DNAH12: variants seen among roughly 807,000 people sequenced by gnomAD.
The protein encoded by DNAH12 is axonemal beta dynein heavy chain 12.
In DNAH12, 285 loss-of-function variants were observed where a neutral mutation model predicts 371.5. That is an observed-to-expected ratio of 0.77 (90% CI 0.70 to 0.85). The LOEUF is 0.85. Ranked by LOEUF, DNAH12 falls within the 40% of genes least tolerant of loss-of-function variation. The pLI, the probability that DNAH12 is intolerant of heterozygous loss-of-function variation, is 0.00. For synonymous variants in DNAH12, 1,200 were observed against 1,213.0 expected (o/e 0.99, Z 0.22); for missense variants, 3,611 against 3,689.4 (o/e 0.98, Z 0.55).
Position 57,502,388 on chromosome 3 carries a change from A to G in DNAH12, c.1178T>C (p.Val393Ala). The stretch of plus-strand genomic sequence containing the variant: ...ATGTACTGCTGCCTTCAGTGTATCA[A>G]CAGCCCAGTGTAACACGTGTTCAGG... ...ELPEHVLHWAVDTLKAAVHRN... is the reference protein window; with the variant it reads ...ELPEHVLHWAADTLKAAVHRN... Residue 393 changes from valine to alanine, a missense_variant, in exon 10 of 74, where the codon GTT becomes GCT. Val to Ala is a moderately conservative substitution (Grantham distance 64). Transcript: ENST00000495027. 6.2e-7 allele frequency: 1 copy of G among 1,614,208 alleles called. No individual in the cohort carries two copies. The highest frequency in any genetic ancestry group is 2.2e-5 in the East Asian group (1 of 44,884).
intron 43 of DNAH12, among the ~76,000 whole-genome samples, chr3:57,401,560 T>C (rs535605367): frequency 3.2e-4 from 17 of 52,418 alleles, no homozygotes; most frequent in Non-Finnish European, 4.6e-4. Context: ...TGAGACTCCA[T>C]CTCAAAAAAA....
chr3:57,519,843 C>T (rs1289901427), intron 4 of DNAH12: 1 of 1,106,116 alleles, frequency 9.0e-7, no homozygotes, highest in African/African-American at 1.5e-5. Context: ...CATCCATCAC[C>T]TGGACTCTGC....
chr3:57,512,744 T>C (rs968136075), intron 4 of DNAH12, among the ~76,000 whole-genome samples: 4 of 152,190 alleles, frequency 2.6e-5, no homozygotes, highest in African/African-American at 4.8e-5. Context: ...ATTATTCTAC[T>C]ATAAAGACAC....
chr3:57,475,074 C>T (rs1296344480), intron 13 of DNAH12, among the ~76,000 whole-genome samples: 1 of 152,056 alleles, frequency 6.6e-6, no homozygotes, highest in African/African-American at 2.4e-5. Flanking sequence ...TATGTATTTG[C>T]TCATCTATAT....
At chr3:57,309,048 C>G (rs1196255834) in intron 69 of DNAH12, 103 bp downstream of exon 69, 5 of 798,086 alleles carry the variant, frequency 6.3e-6, no homozygotes, top group Non-Finnish European at 9.4e-6. Context: ...CTTCATACCA[C>G]CCTCAAAATT....
At chr3:57,550,177 C>T in the DNAH12 span, among the ~76,000 whole-genome samples, 1 of 151,962 alleles carries the variant, frequency 6.6e-6, no homozygotes, top group East Asian at 1.9e-4. Context: ...ATTAGCCAGG[C>T]ATGGCTACAT....
intron 18 of DNAH12, among the ~76,000 whole-genome samples, chr3:57,462,436 G>C (rs2153377627): frequency 6.6e-6 from 1 of 152,088 alleles, no homozygotes; most frequent in East Asian, 1.9e-4. Context: ...ATTTTTAGTA[G>C]GGATGGGGTC....
At chr3:57,508,319 T>C in intron 7 of DNAH12, 63 bp downstream of exon 7, 3 of 1,407,380 alleles carry the variant, frequency 2.1e-6, no homozygotes, top group South Asian at 3.3e-5. Context: ...TTAAAAATTA[T>C]ACAGTCAAAA....
At chr3:57,343,479 T>C (rs887534455) in intron 60 of DNAH12, among the ~76,000 whole-genome samples, 1 of 152,224 alleles carries the variant, frequency 6.6e-6, no homozygotes, top group Non-Finnish European at 1.5e-5. Context: ...CATTCTCTAG[T>C]CTCAGCAAAC....
chr3:57,481,711 AC>A (rs996285139), intron 13 of DNAH12, among the ~76,000 whole-genome samples: 13 of 152,174 alleles, frequency 8.5e-5, no homozygotes, highest in African/African-American at 3.1e-4. Flanking sequence ...TGGTACTGGT[AC>A]CAAAACAGAG....
chr3:57,322,287 T>C, intron 65 of DNAH12, 56 bp downstream of exon 65: 1 of 1,444,496 alleles, frequency 6.9e-7, no homozygotes, highest in Non-Finnish European at 9.2e-7. Context: ...AATTTTACAC[T>C]TCCATATTTG....
At chr3:57,382,629 T>C (rs1290598382) in intron 49 of DNAH12, among the ~76,000 whole-genome samples, 1 of 151,950 alleles carries the variant, frequency 6.6e-6, no homozygotes, top group Non-Finnish European at 1.5e-5. Flanking sequence ...TAGATGCCTA[T>C]GAGAATATAA....
At chr3:57,309,886 T>G in intron 67 of DNAH12, 32 bp from the exon 68 acceptor site, 2 of 1,528,630 alleles carry the variant, frequency 1.3e-6, no homozygotes, top group Non-Finnish European at 1.8e-6. Flanking sequence ...ATGCATCATA[T>G]TTTCCCTGGA....
At chr3:57,550,712 G>A in the DNAH12 span, among the ~76,000 whole-genome samples, 7 of 151,548 alleles carry the variant, frequency 4.6e-5, no homozygotes, top group Non-Finnish European at 7.4e-5. Context: ...TAATAGAGAT[G>A]GGGTTTCACC....
At chr3:57,469,084 G>A (rs970374401) in intron 16 of DNAH12, 105 bp from the exon 17 acceptor site, 3 of 1,101,362 alleles carry the variant, frequency 2.7e-6, no homozygotes, top group African/African-American at 1.6e-5. Flanking sequence ...AGAAAAATGA[G>A]GGCAAGAGCT....
Position 57,459,681 on chromosome 3 carries a change from T to C in DNAH12, c.2842A>G (p.Met948Val), listed in dbSNP as rs1321220572. The C allele has an allele frequency of 6.5e-7, 1 of 1,549,890 alleles. No individual in the cohort carries two copies. ...LEPIFCSEDI[M>V]QQMPEEGRQF... is the part of the protein sequence containing the mutation. ...CGCCCTTCTTCTGGCATCTGTTGCA[T>C]GATATCCTCAGAACAAAAGATGGGC... Residue 948 changes from methionine to valine, a missense_variant, in exon 20 of 74, where the codon ATG becomes GTG. Coordinates refer to ENST00000495027, the MANE Select transcript of DNAH12 (RefSeq NM_001366028.2).
At chr3:57,525,922 T>C (rs1036894473) in intron 2 of DNAH12, among the ~76,000 whole-genome samples, 1 of 151,700 alleles carries the variant, frequency 6.6e-6, no homozygotes, top group East Asian at 1.9e-4. Context: ...CTACCAGGCC[T>C]GGCTAATTTT....
intron 66 of DNAH12, among the ~76,000 whole-genome samples, chr3:57,313,177 G>C (rs748589755): frequency 3.9e-5 from 6 of 152,082 alleles, no homozygotes; most frequent in Non-Finnish European, 8.8e-5. Context: ...CTGTGACCTG[G>C]GCTTGGCTAC....
At chr3:57,515,816 A>G (rs1362154758) in intron 4 of DNAH12, among the ~76,000 whole-genome samples, 1 of 152,004 alleles carries the variant, frequency 6.6e-6, no homozygotes, top group Non-Finnish European at 1.5e-5. Flanking sequence ...TGTTACAGGC[A>G]AAGATGTTAA....
Sources: allele counts gnomAD v4.1 joint callset (sites outside exome capture counted in the v4.1 genomes callset), GRCh38; gene constraint gnomAD v4.1.1; transcripts MANE v1.5; gene names NCBI Gene and HGNC (gene_info 2026-07-23, HGNC 2026-07-21).